PRUNE2: variants seen among roughly 807,000 people sequenced by gnomAD.
The protein encoded by PRUNE2 is prune homolog 2 with BCH domain, also known as protein prune homolog 2.
In PRUNE2, 164 loss-of-function variants were observed where a neutral mutation model predicts 252.0. The observed-to-expected ratio is 0.65, with a 90% CI of 0.57 to 0.74. The LOEUF is 0.74. PRUNE2 is among the 30% of genes least tolerant of loss of function. The pLI is 0.00. For missense variants in PRUNE2, 3,495 were observed against 3,711.0 expected (o/e 0.94, Z 1.51); for synonymous variants, 1,292 against 1,350.2 (o/e 0.96, Z 0.94).
intron 6 of PRUNE2, chr9:76,737,520 T>C (rs1412731434): frequency 6.6e-6 from 1 of 152,248 alleles, no homozygotes; most frequent in Non-Finnish European, 1.5e-5. Context: ...CAAATTTACA[T>C]GCAAGAATTC....
intron 9 of PRUNE2, among the ~76,000 whole-genome samples, chr9:76,666,708 C>T (rs1044357345): frequency 4.3e-4 from 65 of 152,158 alleles, no homozygotes; most frequent in Middle Eastern, 3.4e-3. Context: ...TACCAGTCTC[C>T]GCGTCTTGGT....
At chr9:76,827,063 T>C (rs2058385953) in intron 4 of PRUNE2, among the ~76,000 whole-genome samples, 1 of 152,188 alleles carries the variant, frequency 6.6e-6, no homozygotes, top group African/African-American at 2.4e-5. Flanking sequence ...TCTTAAATGA[T>C]TTCAAAAAGG....
intron 1 of PRUNE2, among the ~76,000 whole-genome samples, chr9:76,879,965 G>C (rs2061684664): frequency 7.6e-6 from 1 of 131,222 alleles, no homozygotes; most frequent in Non-Finnish European, 1.5e-5. Flanking sequence ...CCAGGCTGGA[G>C]TGCAGTGGTG....
Position 76,706,031 on chromosome 9 carries a change from T to G in PRUNE2, c.6243A>C (p.Lys2081Asn), listed in dbSNP as rs776567900. 6.2e-7 allele frequency: 1 copy of G among 1,614,030 alleles called. No individual in the cohort carries two copies. Among genetic ancestry groups the G allele is most frequent in the Non-Finnish European group, 8.5e-7 (1 of 1,179,884 alleles). Residue 2081 changes from lysine (K) to asparagine (N), a missense_variant, in exon 8 of 19, where the codon AAA (lysine) becomes AAC (asparagine). Lys to Asn is a moderately conservative substitution (Grantham distance 94). Transcript: ENST00000376718. ...WIDAKKPFSL[K>N]ADGENPDILT... is the part of the protein sequence containing the mutation. ...GGATATCAGGATTCTCACCATCTGC[T>G]TTCAAACTGAAGGGCTTCTTAGCAT...
At chr9:76,638,999 G>A (rs1366827272) in intron 12 of PRUNE2, among the ~76,000 whole-genome samples, 1 of 152,108 alleles carries the variant, frequency 6.6e-6, no homozygotes, top group Non-Finnish European at 1.5e-5. Context: ...CTGACACATT[G>A]GGCTCTGGGA....
chr9:76,891,868 T>G (rs60843911), intron 1 of PRUNE2, among the ~76,000 whole-genome samples: 2,553 of 152,236 alleles, frequency 0.017, 70 homozygotes, highest in African/African-American at 0.059. Context: ...TTCTTTTCAT[T>G]TGTGACATAA....
chr9:76,721,514 T>G (rs991625257), intron 6 of PRUNE2, among the ~76,000 whole-genome samples: 2 of 152,228 alleles, frequency 1.3e-5, no homozygotes, highest in African/African-American at 2.4e-5. Flanking sequence ...TTCTGGGTTT[T>G]TTTGTTTGTT....
intron 9 of PRUNE2, among the ~76,000 whole-genome samples, chr9:76,689,150 T>G (rs2044437008): frequency 6.6e-6 from 1 of 152,162 alleles, no homozygotes; most frequent in African/African-American, 2.4e-5. Context: ...GACTGCACCT[T>G]AGTTACCTTT....
intron 1 of PRUNE2, among the ~76,000 whole-genome samples, chr9:76,885,830 A>G (rs1486198601): frequency 6.9e-6 from 1 of 145,026 alleles, no homozygotes; most frequent in Non-Finnish European, 1.5e-5. Context: ...TTTTATGAAA[A>G]TAAAATTATT....
In PRUNE2 at chr9:76,690,031, A is replaced by C. The variant is rs557936905; in HGVS notation, c.8276+13306T>G. ...CAGCTTCTTCTCCAATGCCCCTCTT[A>C]TGGGGCCAGAAGTTTCAGACTAGCC... On this transcript the variant is annotated intron_variant, in intron 9 of 18. Transcript: ENST00000376718. Among the ~76,000 whole-genome samples, 3 of 152,262 alleles carry C rather than the reference A, an allele frequency of 2.0e-5. No homozygotes were observed. In the East Asian group the frequency reaches 5.8e-4, roughly 29 times the overall value.
At chr9:76,661,250 T>A (rs567126051) in intron 9 of PRUNE2, among the ~76,000 whole-genome samples, 16 of 152,304 alleles carry the variant, frequency 1.1e-4, no homozygotes, top group South Asian at 4.1e-4. Context: ...TATTATTATT[T>A]ATCATTATTG....
At chr9:76,802,285 G>A (rs2056613796) in intron 6 of PRUNE2, among the ~76,000 whole-genome samples, 1 of 152,082 alleles carries the variant, frequency 6.6e-6, no homozygotes, top group Admixed American at 6.5e-5. Context: ...AATCCCTAAT[G>A]GCCTCTCCTT....
intron 6 of PRUNE2, among the ~76,000 whole-genome samples, chr9:76,802,545 A>G (rs1357904795): frequency 6.6e-6 from 1 of 152,178 alleles, no homozygotes; most frequent in East Asian, 1.9e-4. Context: ...TTACTGGAAG[A>G]TTAAATGTTA....
intron 4 of PRUNE2, among the ~76,000 whole-genome samples, chr9:76,829,073 T>G (rs2058517569): frequency 6.6e-6 from 1 of 151,732 alleles, no homozygotes; most frequent in Admixed American, 6.6e-5. Context: ...AATATGAATT[T>G]CAGAAAAGAT....
In PRUNE2 at chr9:76,612,696, A is replaced by G. The variant is rs1424988877; in HGVS notation, c.*1874T>C. 1.3e-5 allele frequency: 2 copies of G among 152,280 alleles called. No individual in the cohort carries two copies. The allele number at this position is 152,280 out of a possible 1,614,324, so 9.4% of individuals were successfully genotyped here. On this transcript the variant is annotated 3_prime_UTR_variant, in exon 19 of 19. Coordinates refer to ENST00000376718, the MANE Select transcript of PRUNE2 (RefSeq NM_015225.3). The stretch of plus-strand genomic sequence containing the variant: ...ACTCGCTTGAAAGGATCAAGAGGAG[A>G]AAAGAGAAAACGATGGAGGCTTATG...
At chr9:76,746,187 T>G (rs1448564557) in intron 6 of PRUNE2, among the ~76,000 whole-genome samples, 1 of 152,120 alleles carries the variant, frequency 6.6e-6, no homozygotes, top group African/African-American at 2.4e-5. Context: ...GATAAGACTG[T>G]CTTATCTCTC....
At chr9:76,843,481 G>C (rs1452887270) in intron 4 of PRUNE2, among the ~76,000 whole-genome samples, 1 of 152,062 alleles carries the variant, frequency 6.6e-6, no homozygotes, top group Non-Finnish European at 1.5e-5. Flanking sequence ...TTTTAAAAAA[G>C]TTCTAAAAAT....
At position 76,678,170 on chromosome 9, in the gene PRUNE2, G is replaced by A. The variant is rs550696205; in HGVS notation, c.8277-22668C>T. On this transcript the variant is annotated intron_variant, in intron 9 of 18. Transcript: ENST00000376718. ...AGTTTGAGACCAGCCTGGCCAACAC[G>A]GCAAAACCCCGTCTCTACTAAAAGT... 4.1e-3 allele frequency among the ~76,000 whole-genome samples: 619 copies of A among 151,882 alleles called. 2 individuals carry two copies. The highest frequency in any genetic ancestry group is 6.4e-3 in the Non-Finnish European group (438 of 67,950).
chr9:76,769,453 G>A (rs1383159375), intron 6 of PRUNE2, among the ~76,000 whole-genome samples: 2 of 151,970 alleles, frequency 1.3e-5, no homozygotes, highest in Non-Finnish European at 2.9e-5. Flanking sequence ...TAAGAGTTTC[G>A]CTCTTCTTGC....
Sources: allele counts gnomAD v4.1 joint callset (sites outside exome capture counted in the v4.1 genomes callset), GRCh38; gene constraint gnomAD v4.1.1; transcripts MANE v1.5; gene names NCBI Gene and HGNC (gene_info 2026-07-23, HGNC 2026-07-21).